Variants in NFIA observed in about 807,000 individuals in gnomAD.
NFIA encodes nuclear factor I A.
In NFIA, 8 loss-of-function variants were observed where a neutral mutation model predicts 62.8. That is an observed-to-expected ratio of 0.13 (90% CI 0.07 to 0.23). NFIA has a LOEUF of 0.23. Ranked by LOEUF, NFIA falls within the 10% of genes least tolerant of loss-of-function variation. The pLI is 1.00. For missense variants in NFIA, 410 were observed against 642.1 expected (o/e 0.64, Z 3.91); for synonymous variants, 235 against 238.1 (o/e 0.99, Z 0.12).
At chr1:61,276,055 C>G (rs1337115892) in intron 2 of NFIA, among the ~76,000 whole-genome samples, 1 of 151,982 alleles carries the variant, frequency 6.6e-6, no homozygotes, top group East Asian at 1.9e-4. Context: ...GCAATTGTTA[C>G]AGAACGATAA....
chr1:61,227,345 A>AATTT (rs144613238), intron 2 of NFIA, among the ~76,000 whole-genome samples: 9,718 of 152,244 alleles, frequency 0.064, 347 homozygotes, highest in Non-Finnish European at 0.071. Context: ...GCTGTTTCAT[A>AATTT]ATTTATCAAG....
intron 2 of NFIA, among the ~76,000 whole-genome samples, chr1:61,103,135 A>G (rs1304869389): frequency 2.0e-5 from 3 of 152,236 alleles, no homozygotes; most frequent in Admixed American, 6.5e-5. Flanking sequence ...AGTGAACACA[A>G]CGAACCTTGA....
intron 3 of NFIA, among the ~76,000 whole-genome samples, chr1:61,307,399 G>A (rs545898348): frequency 2.6e-5 from 4 of 152,244 alleles, no homozygotes; most frequent in African/African-American, 9.6e-5. Context: ...CCTTGATCTT[G>A]CACTTTCTAG....
At chr1:61,284,198 ATT>A (rs1658337345) in intron 3 of NFIA, among the ~76,000 whole-genome samples, 1 of 152,200 alleles carries the variant, frequency 6.6e-6, no homozygotes, top group Non-Finnish European at 1.5e-5. Flanking sequence ...TCAGGGAGAC[ATT>A]AAAACCTAAA....
At chr1:61,191,407 G>A (rs992655848) in intron 2 of NFIA, among the ~76,000 whole-genome samples, 2 of 151,878 alleles carry the variant, frequency 1.3e-5, no homozygotes, top group Non-Finnish European at 2.9e-5. Context: ...TTTGCTTTCC[G>A]GAGAATCTGG....
At chr1:61,108,284 A>G (rs1363662425) in intron 2 of NFIA, among the ~76,000 whole-genome samples, 1 of 151,516 alleles carries the variant, frequency 6.6e-6, no homozygotes, top group East Asian at 1.9e-4. Flanking sequence ...ATGTCTCTTC[A>G]TTTATTTAGA....
At position 61,332,523 on chromosome 1, in the gene NFIA, T is replaced by G. The variant is rs200822009; in HGVS notation, c.637T>G (p.Phe213Val). The change falls in exon 4 of 11, where the codon TTC becomes GTC. Residue 213 changes from phenylalanine to valine, a missense_variant. Coordinates refer to ENST00000403491, the MANE Select transcript of NFIA (RefSeq NM_001134673.4). The stretch of plus-strand genomic sequence containing the variant: ...TTTTGTTTCCCCAGGACATTTGGGC[T>G]TCCAGGACAGTTTTGTCACATCAGG... ...KDQPENGHLG[F>V]QDSFVTSGVF... is the part of the protein sequence containing the mutation. The G allele has an allele frequency of 2.4e-5, 39 of 1,613,928 alleles. No homozygotes were observed. Among genetic ancestry groups the G allele is most frequent in the Non-Finnish European group, 2.5e-6 (3 of 1,179,928 alleles).
At chr1:61,325,078 T>A (rs1036202965) in intron 3 of NFIA, among the ~76,000 whole-genome samples, 1 of 152,238 alleles carries the variant, frequency 6.6e-6, no homozygotes, top group Non-Finnish European at 1.5e-5. Context: ...TTGTGCAACC[T>A]GGCTTTTTAT....
intron 2 of NFIA, among the ~76,000 whole-genome samples, chr1:61,233,159 G>A (rs1450479084): frequency 6.6e-6 from 1 of 151,834 alleles, no homozygotes. Context: ...CTATATTCTT[G>A]TCTAAGCTAT....
At chr1:61,381,698 A>C (rs1664423820) in intron 6 of NFIA, among the ~76,000 whole-genome samples, 1 of 152,186 alleles carries the variant, frequency 6.6e-6, no homozygotes, top group Admixed American at 6.5e-5. Flanking sequence ...TGAGACCTGC[A>C]CAAGTAGTTT....
At chr1:61,379,889 C>G (rs1664332886) in intron 6 of NFIA, among the ~76,000 whole-genome samples, 2 of 152,102 alleles carry the variant, frequency 1.3e-5, no homozygotes, top group Non-Finnish European at 2.9e-5. Flanking sequence ...TTGAAGGAAT[C>G]TTTGTGAATA....
chr1:61,208,043 G>A (rs1390796865), intron 2 of NFIA, among the ~76,000 whole-genome samples: 1 of 142,822 alleles, frequency 7.0e-6, no homozygotes, highest in Non-Finnish European at 1.5e-5. Context: ...TGTCTGCAAT[G>A]CGTGAAGCAC....
intron 2 of NFIA, among the ~76,000 whole-genome samples, chr1:61,240,824 G>A (rs1655305578): frequency 6.6e-6 from 1 of 152,050 alleles, no homozygotes; most frequent in African/African-American, 2.4e-5. Flanking sequence ...TATTTTCAAG[G>A]ACAGAACTTA....
At chr1:61,178,432 C>G (rs576823212) in intron 2 of NFIA, among the ~76,000 whole-genome samples, 5 of 152,154 alleles carry the variant, frequency 3.3e-5, no homozygotes, top group Admixed American at 2.0e-4. Context: ...GGTGCTTTTC[C>G]AAATGCCTTA....
chr1:61,424,401 G>T (rs1383971221), intron 9 of NFIA, among the ~76,000 whole-genome samples: 1 of 151,780 alleles, frequency 6.6e-6, no homozygotes, highest in Non-Finnish European at 1.5e-5. Flanking sequence ...GCTTGTTTTG[G>T]ATGTCCCCAG....
Position 61,406,408 on chromosome 1 carries a change from C to T in NFIA, c.1255-154C>T, listed in dbSNP as rs116778832. ...AACAGAACCCAACAATGGACATTTC[C>T]GTATGGGCTTATGGAAGAATTGAAG... On this transcript the variant is annotated intron_variant, in intron 8 of 10. Coordinates refer to ENST00000403491, the MANE Select transcript of NFIA (RefSeq NM_001134673.4). Among the ~76,000 whole-genome samples, 1,475 of 152,172 alleles carry T rather than the reference C, an allele frequency of 9.7e-3. 23 individuals are homozygous for T. Among genetic ancestry groups the T allele is most frequent in the African/African-American group, 0.034 (1,401 of 41,510 alleles).
intron 2 of NFIA, among the ~76,000 whole-genome samples, chr1:61,185,240 A>G (rs1570336707): frequency 1.3e-5 from 2 of 152,340 alleles, no homozygotes; most frequent in East Asian, 1.9e-4. Flanking sequence ...ACATATGTAT[A>G]ATGAAGACGT....
Position 61,088,182 on chromosome 1 carries a change from C to A in NFIA, c.61C>A (p.Pro21Thr). The change falls in exon 2 of 11, where the codon CCC (proline) becomes ACC (threonine). Residue 21 changes from proline (P) to threonine (T), a missense_variant. Physicochemically the swap from Pro to Thr is conservative, Grantham distance 38 (BLOSUM62 -1). Around this residue, in one of 3 missense-constraint regions of NFIA, gnomAD observed 86 missense variants for 124.6 expected, o/e 0.69. Coordinates refer to ENST00000403491, the MANE Select transcript of NFIA (RefSeq NM_001134673.4). This position sits in a 1 kb window ranked among gnomAD's most constrained non-coding sequence, Gnocchi z 4.5. ...TCATCCTTTCATCGAAGCACTTCTG[C>A]CCCACGTCCGAGCCTTTGCCTACAC... ...EFHPFIEALL[P>T]HVRAFAYTWF... The A allele has an allele frequency of 6.2e-7, 1 of 1,612,946 alleles. No homozygotes were observed. Among genetic ancestry groups the A allele is most frequent in the South Asian group, 1.1e-5 (1 of 90,954 alleles).
intron 2 of NFIA, among the ~76,000 whole-genome samples, chr1:61,273,155 A>G (rs1201118239): frequency 1.3e-5 from 2 of 152,190 alleles, no homozygotes; most frequent in Non-Finnish European, 2.9e-5. Context: ...CAAGAAATTC[A>G]CAACAGCAGT....
Sources: gnomAD v4.1 joint callset for allele counts (sites outside exome capture counted in the v4.1 genomes callset) on GRCh38, gnomAD v4.1.1 for gene constraint, gnomAD v4.1.1 regional missense constraint, Gnocchi (gnomAD v3.1) non-coding constraint, MANE v1.5 for transcripts, NCBI Gene and HGNC (gene_info 2026-07-23, HGNC 2026-07-21) for gene names.